The following SFR1 variants were observed in gnomAD, a reference collection of about 807,000 sequenced individuals.
SFR1 encodes SWI5 dependent homologous recombination repair protein 1, also known as swi5-dependent recombination DNA repair protein 1 homolog.
Under a neutral mutation model 26.2 loss-of-function variants are expected in SFR1, and 24 were observed. That is an observed-to-expected ratio of 0.92 (90% CI 0.66 to 1.29). SFR1 has a LOEUF of 1.29. Ranked by LOEUF, SFR1 falls within the 50% of genes most tolerant of loss-of-function variation. The pLI, the probability that SFR1 is intolerant of heterozygous loss-of-function variation, is 0.00. For synonymous variants in SFR1, 77 were observed against 96.6 expected, an observed-to-expected ratio of 0.80 and a Z score of 1.19; for missense variants, 276 against 270.2, an observed-to-expected ratio of 1.02 and a Z score of -0.15.
intron 1 of SFR1, chr10:104,122,747 AC>A (rs2086979218): frequency 6.8e-7 from 1 of 1,461,916 alleles, no homozygotes; most frequent in Admixed American, 2.5e-5. Context: ...ACTATGAGAT[AC>A]TAGCTGGTTG....
intron 1 of SFR1, 107 bp downstream of exon 1, chr10:104,122,303 C>G (rs1001936710): frequency 1.4e-6 from 2 of 1,422,348 alleles, no homozygotes; most frequent in East Asian, 5.7e-5. Flanking sequence ...CTCAACCTCA[C>G]CTTATGCCTG....
upstream of SFR1, chr10:104,121,938 C>T (rs560441440): frequency 1.2e-4 from 60 of 492,676 alleles, no homozygotes; most frequent in African/African-American, 1.0e-3. Context: ...GAGAGCCGCG[C>T]GCACCGGTTA....
chr10:104,122,328 CTAG>C, intron 1 of SFR1, 132 bp downstream of exon 1: 1 of 1,397,950 alleles, frequency 7.2e-7, no homozygotes, highest in South Asian at 1.6e-5. Context: ...CTCCGGGGAA[CTAG>C]TGGGCTTTCT....
At chr10:104,122,297 A>C (rs7901021) in intron 1 of SFR1, 101 bp downstream of exon 1, 220,470 of 1,429,414 alleles carry the variant, frequency 0.15, 18,905 homozygotes, top group African/African-American at 0.35. Context: ...GGGGAACTCA[A>C]CCTCACCTTA....
chr10:104,122,493 C>G (rs2086975506), intron 1 of SFR1: 2 of 985,290 alleles, frequency 2.0e-6, no homozygotes, highest in South Asian at 9.4e-5. Flanking sequence ...AAATGCGTCT[C>G]CGCTGTGTTT....
intron 3 of SFR1, among the ~76,000 whole-genome samples, chr10:104,125,240 T>G (rs1346053404): frequency 1.3e-5 from 2 of 152,208 alleles, no homozygotes; most frequent in Non-Finnish European, 2.9e-5. Flanking sequence ...TATTATTGCT[T>G]CTTGACATAG....
chr10:104,122,158 C>G (rs1416787068), upstream of SFR1: 1 of 1,547,556 alleles, frequency 6.5e-7, no homozygotes, highest in Admixed American at 2.0e-5. Context: ...GCCGCAGGTG[C>G]GCGCGCTTTT....
At chr10:104,123,454 T>C in intron 2 of SFR1, 1 of 396,528 alleles carries the variant, frequency 2.5e-6, no homozygotes, top group Non-Finnish European at 4.5e-6. Flanking sequence ...TGCTTGTTAC[T>C]GAACAAATGT....
intron 3 of SFR1, among the ~76,000 whole-genome samples, chr10:104,124,455 C>T (rs1207434824): frequency 6.6e-6 from 1 of 151,666 alleles, no homozygotes; most frequent in South Asian, 2.1e-4. Flanking sequence ...ATTAGTAAAA[C>T]TAAAAATGGG....
In SFR1 at chr10:104,123,844, C is replaced by T; in HGVS notation, c.266C>T (p.Ser89Phe). The change falls in exon 3 of 4, where the codon TCT becomes TTT. Residue 89 changes from serine to phenylalanine, a missense_variant. Coordinates refer to ENST00000369727, the MANE Select transcript of SFR1 (RefSeq NM_001002759.2). The part of the protein sequence containing the change: ...NDQTFSEKPA[S>F]STEENCLEFQ... ...CAGACCTTTTCAGAGAAACCAGCAT[C>T]TTCCACAGAGGAAAACTGTTTGGAA... 6.2e-7 allele frequency: 1 copy of T among 1,613,110 alleles called. No individual in the cohort carries two copies. Among genetic ancestry groups the T allele is most frequent in the Non-Finnish European group, 8.5e-7 (1 of 1,179,936 alleles).
chr10:104,121,873 T>A (rs561542793), upstream of SFR1, among the ~76,000 whole-genome samples: 1 of 152,286 alleles, frequency 6.6e-6, no homozygotes, highest in South Asian at 2.1e-4. Flanking sequence ...GAAGACCTGC[T>A]GCGGATCGCG....
rs1376521519 is a variant in SFR1, at chr10:104,123,075, TC to T, written c.127del (p.Arg43GlufsTer5). 1 of 1,566,004 alleles carries T rather than the reference TC, an allele frequency of 6.4e-7. No individual in the cohort carries two copies. The highest frequency in any genetic ancestry group is 2.0e-5 in the Admixed American group (1 of 49,536). ...TCCATCATCTCCCTATACAAATAGT[TC>T]CCGAAAACAAGTATGAAAATCTTTG... ...ANPSSPYTNS[S>X]RKQPMSATLR... On this transcript the variant is annotated frameshift_variant, in exon 2 of 4. Transcript: ENST00000369727. LOFTEE classifies it high-confidence loss of function.
intron 1 of SFR1, 168 bp downstream of exon 1, chr10:104,122,364 G>C (rs995780706): frequency 2.0e-6 from 2 of 985,196 alleles, no homozygotes; most frequent in African/African-American, 3.5e-5. Context: ...AGGAGGGGAC[G>C]ACTCCCGCCC....
intron 1 of SFR1, 117 bp downstream of exon 1, chr10:104,122,313 GGGGTCTCCGGGGAACTAGT>G: frequency 7.1e-7 from 1 of 1,407,376 alleles, no homozygotes; most frequent in Non-Finnish European, 9.3e-7. Context: ...CCTTATGCCT[GGGGTCTCCGGGGAACTAGT>G]GGGCTTTCTG....
rs1564696893 is a variant in SFR1, at chr10:104,123,706, CTT to C, written c.136-6_136-5del. On this transcript the variant is annotated splice_region_variant and splice_polypyrimidine_tract_variant and intron_variant, in intron 2 of 3. Coordinates refer to ENST00000369727, the MANE Select transcript of SFR1 (RefSeq NM_001002759.2). ...ATTCACATTTTTAATGTTTTGTGCT[CTT>C]TATAGCCTATGAGTGCAACACTTAG... 1 of 1,560,798 alleles carries C rather than the reference CTT, an allele frequency of 6.4e-7. No individual in the cohort carries two copies.
In SFR1 at chr10:104,123,067, C is replaced by T; in HGVS notation, c.116C>T (p.Thr39Ile). 1 of 1,572,746 alleles carries T rather than the reference C, an allele frequency of 6.4e-7. No homozygotes were observed. The highest frequency in any genetic ancestry group is 8.6e-7 in the Non-Finnish European group (1 of 1,162,896). ...TCTGCGAATCCATCATCTCCCTATA[C>T]AAATAGTTCCCGAAAACAAGTATGA... The part of the protein sequence containing the change: ...QASANPSSPY[T>I]NSSRKQPMSA... The change falls in exon 2 of 4, where the codon ACA becomes ATA. Residue 39 changes from threonine to isoleucine, a missense_variant. Transcript: ENST00000369727.
At position 104,123,010 on chromosome 10, in the gene SFR1, C is replaced by T; in HGVS notation, c.59C>T (p.Ser20Leu). 1 of 1,613,840 alleles carries T rather than the reference C, an allele frequency of 6.2e-7. No homozygotes were observed. Among genetic ancestry groups the T allele is most frequent in the Non-Finnish European group, 8.5e-7 (1 of 1,179,910 alleles). Reference sequence around the variant, plus strand: ...TTCAAGATGGAAAGTCCGTCAGACTCAGCTGTGGTTTTACCTAGCACTCCT... The same window carrying T: ...TTCAAGATGGAAAGTCCGTCAGACTTAGCTGTGGTTTTACCTAGCACTCCT... The part of the protein sequence containing the change: ...FTFKMESPSD[S>L]AVVLPSTPQA... The change falls in exon 2 of 4, where the codon TCA (serine) becomes TTA (leucine). Residue 20 changes from serine (S) to leucine (L), a missense_variant. By Grantham distance (145) the Ser-to-Leu change is moderately radical. Transcript: ENST00000369727.
upstream of SFR1, chr10:104,122,086 G>A (rs921305958): frequency 8.5e-6 from 12 of 1,409,094 alleles, no homozygotes; most frequent in African/African-American, 1.4e-4. Context: ...AGGCAATCTG[G>A]CCAATTGCGC....
rs370670391 is a variant in SFR1 at position 104,122,189 on chromosome 10, G to A, written c.6G>A (p.Ala2=). Residue 2 remains alanine (A), a synonymous_variant, in exon 1 of 4, where the codon GCG becomes GCA. Transcript: ENST00000369727. ...CTTTTTTGCTCTCGCTGGGAATGGC[G>A]GAGGGAGGTACCCTGCTGAGGGGAA... M[A]EGEKNQDFTF... The A allele has an allele frequency of 7.4e-5, 115 of 1,547,242 alleles. 1 individual carries two copies. The highest frequency in any genetic ancestry group is 1.2e-4 in the Admixed American group (6 of 50,836).
Sources: allele counts gnomAD v4.1 joint callset (sites outside exome capture counted in the v4.1 genomes callset), GRCh38; gene constraint gnomAD v4.1.1; transcripts MANE v1.5; gene names NCBI Gene and HGNC (gene_info 2026-07-23, HGNC 2026-07-21).